SV2C: variants seen among roughly 807,000 people sequenced by gnomAD.
SV2C encodes the protein solute carrier family 22 member B3.
In SV2C, 49 loss-of-function variants were observed where a neutral mutation model predicts 79.7. The ratio of observed to expected loss-of-function variants is 0.61; its 90% CI spans 0.49 to 0.78. SV2C has a LOEUF of 0.78. SV2C is among the 30% of genes least tolerant of loss of function. SV2C has a pLI of 0.00. For missense variants in SV2C, 833 were observed against 912.9 expected (o/e 0.91, Z 1.13); for synonymous variants, 334 against 333.2 (o/e 1.00, Z -0.03).
chr5:76,311,397 A>T (rs1269914922), intron 12 of SV2C: 1 of 152,254 alleles, frequency 6.6e-6, no homozygotes, highest in African/African-American at 2.4e-5. Context: ...TGCAGGGATG[A>T]GTGAGGTGAA....
chr5:75,870,812 G>A, the SV2C span, among the ~76,000 whole-genome samples: 9,406 of 152,244 alleles, frequency 0.062, 343 homozygotes, highest in Admixed American at 0.085. Flanking sequence ...CAATACATCT[G>A]GCAGCAGTCT....
intron 12 of SV2C, among the ~76,000 whole-genome samples, chr5:76,316,849 C>A (rs1349698164): frequency 6.6e-6 from 1 of 152,136 alleles, no homozygotes; most frequent in East Asian, 1.9e-4. Context: ...CTCGATATCA[C>A]TTTCTATGCT....
At chr5:76,209,990 C>T in intron 4 of SV2C, 103 bp downstream of exon 4, 1 of 1,331,096 alleles carries the variant, frequency 7.5e-7, no homozygotes, top group East Asian at 2.5e-5. Context: ...AGAAAAACTA[C>T]TCATCATCAT....
At chr5:75,913,952 T>C in the SV2C span, among the ~76,000 whole-genome samples, 1 of 150,794 alleles carries the variant, frequency 6.6e-6, no homozygotes, top group Non-Finnish European at 1.5e-5. Context: ...AGGCCATAAA[T>C]GAGAATAGTT....
intron 12 of SV2C, among the ~76,000 whole-genome samples, chr5:76,311,673 A>C (rs778216072): frequency 2.0e-5 from 3 of 152,222 alleles, no homozygotes; most frequent in Non-Finnish European, 4.4e-5. Context: ...ATGTGGCATG[A>C]GATTCTTCTA....
intron 4 of SV2C, among the ~76,000 whole-genome samples, chr5:76,251,891 A>G (rs1746127022): frequency 6.6e-6 from 1 of 152,204 alleles, no homozygotes; most frequent in Admixed American, 6.5e-5. Flanking sequence ...TAGCATGAAA[A>G]CAACAGTACA....
At chr5:76,312,009 G>A (rs1409428664) in intron 12 of SV2C, among the ~76,000 whole-genome samples, 1 of 152,178 alleles carries the variant, frequency 6.6e-6, no homozygotes, top group African/African-American at 2.4e-5. Context: ...GTAATGACAG[G>A]TTGAAATGGA....
At chr5:75,887,943 A>T in the SV2C span, among the ~76,000 whole-genome samples, 1 of 152,182 alleles carries the variant, frequency 6.6e-6, no homozygotes, top group Non-Finnish European at 1.5e-5. Context: ...GGTGTCTATT[A>T]TCTTGATGCT....
chr5:76,257,979 G>A (rs1279207325), intron 4 of SV2C, among the ~76,000 whole-genome samples: 1 of 149,260 alleles, frequency 6.7e-6, no homozygotes, highest in African/African-American at 2.5e-5. Context: ...TGTGGTGTGT[G>A]ATAAATGGGT....
the SV2C span, among the ~76,000 whole-genome samples, chr5:76,039,785 A>G: frequency 2.4e-4 from 37 of 152,152 alleles, no homozygotes; most frequent in African/African-American, 8.9e-4. Flanking sequence ...AAAGAAAAGA[A>G]AAAAGAAATT....
intron 4 of SV2C, among the ~76,000 whole-genome samples, chr5:76,249,754 GGTAGGT>G (rs1361362484): frequency 6.6e-6 from 1 of 152,186 alleles, no homozygotes; most frequent in Non-Finnish European, 1.5e-5. Context: ...AATGATGGCA[GGTAGGT>G]GTGTGTTGCT....
At chr5:76,179,189 A>G (rs896190741) in intron 2 of SV2C, among the ~76,000 whole-genome samples, 14 of 152,330 alleles carry the variant, frequency 9.2e-5, no homozygotes, top group African/African-American at 3.4e-4. Context: ...GTTGAAGTTC[A>G]AGGTACATGA....
rs1419725445 is a variant in SV2C at position 76,131,766 on chromosome 5, A to C, written c.16A>C (p.Lys6Gln). The change falls in exon 2 of 13, where the codon AAG becomes CAG. Residue 6 changes from lysine (K) to glutamine (Q), a missense_variant. Physicochemically the swap from Lys to Gln is moderately conservative, Grantham distance 53. Coordinates refer to ENST00000502798, the MANE Select transcript of SV2C (RefSeq NM_014979.4). MEDSYKDRTSLMKGAK... is the reference protein window; with the variant it reads MEDSYQDRTSLMKGAK... ...TTGAGATAAGATGGAAGACTCTTAC[A>C]AGGATAGGACTTCACTGATGAAGGG... 6.2e-7 allele frequency: 1 copy of C among 1,606,880 alleles called. No individual in the cohort carries two copies. The highest frequency in any genetic ancestry group is 1.7e-5 in the Admixed American group (1 of 59,084).
intron 1 of SV2C, among the ~76,000 whole-genome samples, chr5:76,097,431 A>G (rs1747603146): frequency 6.6e-6 from 1 of 152,202 alleles, no homozygotes; most frequent in African/African-American, 2.4e-5. Flanking sequence ...TAAGTTGCCA[A>G]TAAGCACACC....
At chr5:76,147,876 A>G (rs1749488033) in intron 2 of SV2C, among the ~76,000 whole-genome samples, 1 of 152,204 alleles carries the variant, frequency 6.6e-6, no homozygotes, top group South Asian at 2.1e-4. Context: ...AATGTATCAT[A>G]CATAATTTAA....
At chr5:75,959,376 A>C in the SV2C span, among the ~76,000 whole-genome samples, 1 of 151,994 alleles carries the variant, frequency 6.6e-6, no homozygotes, top group East Asian at 1.9e-4. Flanking sequence ...AATGGCCTCA[A>C]AGCTCATCCT....
chr5:75,853,813 A>C, the SV2C span, among the ~76,000 whole-genome samples: 1 of 151,814 alleles, frequency 6.6e-6, no homozygotes, highest in South Asian at 2.1e-4. Context: ...GTAAAGACTG[A>C]GTCTTTGAGA....
chr5:75,992,436 A>G, the SV2C span, among the ~76,000 whole-genome samples: 4 of 152,056 alleles, frequency 2.6e-5, no homozygotes, highest in African/African-American at 4.8e-5. Flanking sequence ...TCAGTCCCCA[A>G]CATGATTCAA....
chr5:76,257,252 G>A (rs1372148818), intron 4 of SV2C, among the ~76,000 whole-genome samples: 1 of 105,052 alleles, frequency 9.5e-6, no homozygotes, highest in African/African-American at 4.5e-5. Flanking sequence ...CGTGGTGGGG[G>A]GCTGTAGTGT....
Sources: allele counts gnomAD v4.1 joint callset (sites outside exome capture counted in the v4.1 genomes callset), GRCh38; gene constraint gnomAD v4.1.1; transcripts MANE v1.5; gene names NCBI Gene and HGNC (gene_info 2026-07-23, HGNC 2026-07-21).